Variants in CTNNA3 observed in about 807,000 individuals in gnomAD.
CTNNA3 encodes catenin alpha-3.
CTNNA3 carries 76 observed loss-of-function variants against 95.7 expected under a neutral mutation model. That is an observed-to-expected ratio of 0.79 (90% confidence interval 0.66 to 0.96). CTNNA3 has a LOEUF of 0.96. Among genes scored for constraint, CTNNA3 ranks in the 40% least tolerant of loss-of-function variants. CTNNA3 has a pLI of 0.00. For missense variants in CTNNA3, 1,191 were observed against 1,089.8 expected, an observed-to-expected ratio of 1.09 and a Z score of -1.31; for synonymous variants, 431 against 374.4, an observed-to-expected ratio of 1.15 and a Z score of -1.74.
At chr10:65,945,024 T>C (rs2077494461) in intron 17 of CTNNA3, among the ~76,000 whole-genome samples, 1 of 152,172 alleles carries the variant, frequency 6.6e-6, no homozygotes, top group Non-Finnish European at 1.5e-5. Flanking sequence ...AGTTAGCTAT[T>C]CTAATATTAT....
At chr10:66,577,663 C>T (rs1843049706) in intron 10 of CTNNA3, among the ~76,000 whole-genome samples, 1 of 151,946 alleles carries the variant, frequency 6.6e-6, no homozygotes, top group African/African-American at 2.4e-5. Context: ...TCAGGGTTCT[C>T]TAACCTGTTC....
chr10:67,476,207 C>T (rs572566964), intron 5 of CTNNA3, among the ~76,000 whole-genome samples: 1 of 152,140 alleles, frequency 6.6e-6, no homozygotes, highest in Admixed American at 6.6e-5. Context: ...TCCCCACCCA[C>T]CCTTCCTATG....
chr10:66,418,112 TA>T (rs201086969), intron 11 of CTNNA3, among the ~76,000 whole-genome samples: 15,682 of 134,864 alleles, frequency 0.12, 1,189 homozygotes, highest in African/African-American at 0.23. Flanking sequence ...TTGAAAACAT[TA>T]AAAAAAAAAA....
intron 11 of CTNNA3, among the ~76,000 whole-genome samples, chr10:66,511,557 T>G (rs12256215): frequency 0.18 from 27,942 of 151,608 alleles, 2,828 homozygotes; most frequent in African/African-American, 0.27. Context: ...TTGGTATGTC[T>G]TGTTTCTGTT....
chr10:66,904,041 A>G (rs181659485), intron 7 of CTNNA3, among the ~76,000 whole-genome samples: 215 of 152,330 alleles, frequency 1.4e-3, no homozygotes, highest in African/African-American at 5.0e-3. Context: ...TAAAGTTCAT[A>G]TAGAACCAAA....
intron 9 of CTNNA3, among the ~76,000 whole-genome samples, chr10:66,627,203 A>G (rs2394217): frequency 0.41 from 62,034 of 151,906 alleles, 12,881 homozygotes; most frequent in Middle Eastern, 0.55. Flanking sequence ...AAAATCAAGT[A>G]TAGGGGATAT....
chr10:66,068,977 C>T (rs2080371920), intron 15 of CTNNA3, among the ~76,000 whole-genome samples: 2 of 152,108 alleles, frequency 1.3e-5, no homozygotes, highest in African/African-American at 2.4e-5. Flanking sequence ...ATTCAGATAG[C>T]TCCAATACCA....
chr10:66,259,904 G>T (rs899520491), intron 13 of CTNNA3, among the ~76,000 whole-genome samples: 3 of 152,162 alleles, frequency 2.0e-5, no homozygotes, highest in African/African-American at 7.2e-5. Flanking sequence ...GTAAACGAAA[G>T]AGTTGAGCTG....
intron 7 of CTNNA3, among the ~76,000 whole-genome samples, chr10:67,175,336 T>C (rs1862191584): frequency 6.6e-6 from 1 of 152,158 alleles, no homozygotes; most frequent in Non-Finnish European, 1.5e-5. Context: ...CCAAAATGCA[T>C]TTTCAGGAGT....
chr10:67,567,444 G>A (rs1841845695), intron 3 of CTNNA3, among the ~76,000 whole-genome samples: 1 of 152,014 alleles, frequency 6.6e-6, no homozygotes, highest in Admixed American at 6.6e-5. Flanking sequence ...AAGGGTGAGA[G>A]GGTTAGAGCG....
chr10:67,610,688 G>C (rs1843427728), intron 2 of CTNNA3, among the ~76,000 whole-genome samples: 1 of 152,200 alleles, frequency 6.6e-6, no homozygotes, highest in Non-Finnish European at 1.5e-5. Flanking sequence ...TAGCTTTCAA[G>C]TTATCCTGTA....
chr10:67,358,527 C>T (rs1842894401), intron 5 of CTNNA3, among the ~76,000 whole-genome samples: 1 of 152,072 alleles, frequency 6.6e-6, no homozygotes, highest in East Asian at 1.9e-4. Flanking sequence ...TCCCTGAGTG[C>T]CAGAACAAGC....
chr10:67,417,895 A>T (rs928452831), intron 5 of CTNNA3, among the ~76,000 whole-genome samples: 6 of 152,240 alleles, frequency 3.9e-5, no homozygotes, highest in Non-Finnish European at 7.3e-5. Flanking sequence ...GTCCACACAA[A>T]ACTTTTACAC....
intron 12 of CTNNA3, among the ~76,000 whole-genome samples, chr10:66,302,226 A>G (rs1386442354): frequency 2.0e-5 from 3 of 152,064 alleles, no homozygotes; most frequent in African/African-American, 7.2e-5. Flanking sequence ...AGTATGGTCT[A>G]GATGTCAGTC....
At chr10:67,147,333 G>C (rs1478870053) in intron 7 of CTNNA3, among the ~76,000 whole-genome samples, 1 of 152,134 alleles carries the variant, frequency 6.6e-6, no homozygotes, top group African/African-American at 2.4e-5. Flanking sequence ...TCATCTAAAA[G>C]CCTGGGATAA....
intron 6 of CTNNA3, among the ~76,000 whole-genome samples, chr10:67,203,920 C>A (rs1365608154): frequency 6.6e-6 from 1 of 152,060 alleles, no homozygotes; most frequent in Non-Finnish European, 1.5e-5. Context: ...TTCATTACTA[C>A]AGAAAAGGTG....
intron 9 of CTNNA3, among the ~76,000 whole-genome samples, chr10:66,707,848 TCTCCTTAGA>T (rs1364894646): frequency 3.3e-5 from 5 of 152,010 alleles, no homozygotes; most frequent in African/African-American, 1.2e-4. Context: ...TCATATCGTA[TCTCCTTAGA>T]AAAAAGCTAT....
chr10:66,034,120 C>T (rs1903871), intron 15 of CTNNA3, among the ~76,000 whole-genome samples: 117,406 of 151,956 alleles, frequency 0.77, 45,685 homozygotes, highest in South Asian at 0.9. Context: ...TTTTTATCTT[C>T]CTCACAGGTG....
chr10:67,691,761 G>A (rs1210161442), intron 1 of CTNNA3, among the ~76,000 whole-genome samples: 3 of 147,898 alleles, frequency 2.0e-5, no homozygotes, highest in African/African-American at 2.5e-5. Flanking sequence ...GGAGGGAGGT[G>A]GGGGGGTCAG....
Sources: allele counts gnomAD v4.1 joint callset (sites outside exome capture counted in the v4.1 genomes callset), GRCh38; gene constraint gnomAD v4.1.1; transcripts MANE v1.5; gene names NCBI Gene and HGNC (gene_info 2026-07-23, HGNC 2026-07-21).